Variants in CCKBR observed in about 807,000 individuals in gnomAD.
The protein encoded by CCKBR is cholecystokinin B receptor.
CCKBR carries 33 observed loss-of-function variants against 34.6 expected under a neutral mutation model. The observed-to-expected ratio is 0.95, with a 90% CI of 0.72 to 1.27. The LOEUF (loss-of-function observed/expected upper bound fraction) is 1.27. CCKBR is among the 50% of genes most tolerant of loss of function. CCKBR has a pLI of 0.00. For synonymous variants in CCKBR, 269 were observed against 267.5 expected (o/e 1.01, Z -0.06); for missense variants, 652 against 617.4 (o/e 1.06, Z -0.59).
rs200790296 is a variant in CCKBR at position 6,271,889 on chromosome 11, T to C, written c.*346T>C. The stretch of plus-strand genomic sequence containing the variant: ...ACATAGATTAATGGCACTGATTGTT[T>C]TAGAGACTATGGAGCCTGGCACAGG... On this transcript the variant is annotated 3_prime_UTR_variant, in exon 5 of 5. Transcript: ENST00000334619. 3.9e-6 allele frequency: 1 copy of C among 259,190 alleles called. No homozygotes were observed. The allele number at this position is 259,190 out of a possible 1,614,324, so 16.1% of individuals were successfully genotyped here.
rs756223887 is a variant in CCKBR at position 6,260,006 on chromosome 11, G to C, written c.78G>C (p.Ala26=). 1 of 1,588,518 alleles carries C rather than the reference G, an allele frequency of 6.3e-7. No homozygotes were observed. The highest frequency in any genetic ancestry group is 1.1e-5 in the South Asian group (1 of 88,480). Reference sequence around the variant, plus strand: ...GGGCTTCCCTGTGCCGCCCGGGGGCGCCTCTCCTCAACAGCAGCAGTGTGG... The same window carrying C: ...GGGCTTCCCTGTGCCGCCCGGGGGCCCCTCTCCTCAACAGCAGCAGTGTGG... The part of the protein sequence containing the change: ...GPGASLCRPG[A]PLLNSSSVGN... Residue 26 remains alanine, a synonymous_variant, in exon 1 of 5, where the codon GCG becomes GCC. Coordinates refer to ENST00000334619, the MANE Select transcript of CCKBR (RefSeq NM_176875.4).
rs751311120 is a variant in CCKBR, at chr11:6,259,979, G to A, written c.51G>A (p.Pro17=). 2.6e-6 allele frequency: 4 copies of A among 1,561,608 alleles called. No individual in the cohort carries two copies. The highest frequency in any genetic ancestry group is 2.5e-5 in the East Asian group (1 of 39,424). ...GCGTGCAGGGAACCGGACCCGGGCC[G>A]GGGGCTTCCCTGTGCCGCCCGGGGG... ...NRSVQGTGPG[P]GASLCRPGAP... Residue 17 remains proline, a synonymous_variant, in exon 1 of 5, where the codon CCG becomes CCA. Coordinates refer to ENST00000334619, the MANE Select transcript of CCKBR (RefSeq NM_176875.4).
At position 6,270,262 on chromosome 11, in the gene CCKBR, C is replaced by T; in HGVS notation, c.578C>T (p.Thr193Ile). The T allele has an allele frequency of 6.2e-7, 1 of 1,613,346 alleles. No homozygotes were observed. The highest frequency in any genetic ancestry group is 8.5e-7 in the Non-Finnish European group (1 of 1,180,038). The stretch of plus-strand genomic sequence containing the variant: ...CTCATGGTGCCCTACCCCGTGTACA[C>T]TGTCGTGCAACCAGTGGGGCCTCGT... ...GLLMVPYPVY[T>I]VVQPVGPRVL... Residue 193 changes from threonine (T) to isoleucine (I), a missense_variant, in exon 3 of 5, where the codon ACT (threonine) becomes ATT (isoleucine). Coordinates refer to ENST00000334619, the MANE Select transcript of CCKBR (RefSeq NM_176875.4).
Position 6,271,618 on chromosome 11 carries a change from C to A in CCKBR, c.*75C>A. ...CCCTTCCAGACATACGAAACACAAA[C>A]CACAACTGACACAGGAAACCAACAC... is the stretch of plus-strand genomic sequence containing the variant. On this transcript the variant is annotated 3_prime_UTR_variant, in exon 5 of 5. Coordinates refer to ENST00000334619, the MANE Select transcript of CCKBR (RefSeq NM_176875.4). 7.2e-7 allele frequency: 1 copy of A among 1,390,398 alleles called. No homozygotes were observed. Among genetic ancestry groups the A allele is most frequent in the Non-Finnish European group, 9.6e-7 (1 of 1,039,402 alleles). The allele number at this position is 1,390,398 out of a possible 1,614,324, so 86.1% of individuals were successfully genotyped here. A position where few individuals can be genotyped will look rare whatever the true frequency, so the allele number is the denominator to read the frequency against.
Position 6,271,186 on chromosome 11 carries a change from G to A in CCKBR, c.987G>A (p.Lys329=), listed in dbSNP as rs200700735. 6.2e-7 allele frequency: 1 copy of A among 1,614,072 alleles called. No individual in the cohort carries two copies. The highest frequency in any genetic ancestry group is 8.5e-7 in the Non-Finnish European group (1 of 1,180,028). ...CCCAGGCCAAGCTGCTGGCTAAGAA[G>A]CGCGTGGTGCGAATGTTGCTGGTGA... ...RPTQAKLLAK[K]RVVRMLLVIV... Residue 329 remains lysine, a synonymous_variant, in exon 5 of 5, where the codon AAG becomes AAA. Coordinates refer to ENST00000334619, the MANE Select transcript of CCKBR (RefSeq NM_176875.4).
intron 1 of CCKBR, chr11:6,264,737 A>ACACACACACACACACACACG: frequency 2.0e-6 from 1 of 508,806 alleles, no homozygotes. Flanking sequence ...ACACACACAC[A>ACACACACACACACACACACG]CACACACGCA....
chr11:6,259,855 C>T lies in CCKBR; in HGVS notation c.-74C>T, dbSNP rs1848099111. 5 of 1,251,070 alleles carry T rather than the reference C, an allele frequency of 4.0e-6. No homozygotes were observed. The highest frequency in any genetic ancestry group is 5.2e-6 in the Non-Finnish European group (5 of 955,616). 77.5% of individuals were successfully genotyped at this position (1,251,070 alleles called of 1,614,324 possible). A position where few individuals can be genotyped will look rare whatever the true frequency, so the allele number is the denominator to read the frequency against. ...GCGGCGGGAGCCTGAGCCGGAATCG[C>T]AGCGTGAGCAGGTGGAGCCGCGTTG... On this transcript the variant is annotated 5_prime_UTR_variant, in exon 1 of 5. Coordinates refer to ENST00000334619, the MANE Select transcript of CCKBR (RefSeq NM_176875.4).
intron 4 of CCKBR, 81 bp from the exon 5 acceptor site, chr11:6,270,930 G>A: frequency 6.2e-7 from 1 of 1,612,274 alleles, no homozygotes; most frequent in Non-Finnish European, 8.5e-7. Flanking sequence ...GAGTTGAGCT[G>A]GGAGCGGAGG....
intron 1 of CCKBR, among the ~76,000 whole-genome samples, chr11:6,260,377 A>C (rs1239653238): frequency 6.6e-6 from 1 of 151,698 alleles, no homozygotes; most frequent in African/African-American, 2.4e-5. Flanking sequence ...CCTCCTAGAC[A>C]CCAGTCAGAA....
chr11:6,266,121 C>T (rs1438225889), intron 1 of CCKBR, among the ~76,000 whole-genome samples: 1 of 152,034 alleles, frequency 6.6e-6, no homozygotes, highest in Non-Finnish European at 1.5e-5. Context: ...TACATACATA[C>T]TAATACAGTG....
In CCKBR at chr11:6,260,349, C is replaced by G. The variant is rs545187876; in HGVS notation, c.151+270C>G. On this transcript the variant is annotated intron_variant, in intron 1 of 4. Coordinates refer to ENST00000334619, the MANE Select transcript of CCKBR (RefSeq NM_176875.4). ...CCCTGCTCACCCCAAAGCACAGCCC[C>G]TTCCCCAACACGCAGCCCCTCCTAG... is the stretch of plus-strand genomic sequence containing the variant. 1.1e-4 allele frequency among the ~76,000 whole-genome samples: 17 copies of G among 152,272 alleles called. No individual in the cohort carries two copies. In the South Asian group the frequency reaches 3.1e-3, roughly 28 times the overall value.
chr11:6,268,574 C>G (rs1357537084), intron 1 of CCKBR, among the ~76,000 whole-genome samples: 1 of 152,212 alleles, frequency 6.6e-6, no homozygotes, highest in East Asian at 1.9e-4. Flanking sequence ...CATCCTTCAG[C>G]CTCACTCCTT....
In CCKBR at chr11:6,269,878, A is replaced by G; in HGVS notation, c.361A>G (p.Ile121Val). Residue 121 changes from isoleucine (I) to valine (V), a missense_variant, in exon 2 of 5, where the codon ATC becomes GTC. By Grantham distance (29) the Ile-to-Val change is conservative. Transcript: ENST00000334619. ...TLLPNLMGTFIFGTVICKAVS... is the reference protein window; with the variant it reads ...TLLPNLMGTFVFGTVICKAVS... Reference sequence around the variant, plus strand: ...CCTGCCCAATCTCATGGGCACATTCATCTTTGGCACCGTCATCTGCAAGGC... The same window carrying G: ...CCTGCCCAATCTCATGGGCACATTCGTCTTTGGCACCGTCATCTGCAAGGC... The G allele has an allele frequency of 1.2e-6, 2 of 1,613,742 alleles. No individual in the cohort carries two copies. The highest frequency in any genetic ancestry group is 1.7e-6 in the Non-Finnish European group (2 of 1,179,934).
chr11:6,270,612 A>G, intron 3 of CCKBR, 34 bp from the exon 4 acceptor site: 1 of 1,563,264 alleles, frequency 6.4e-7, no homozygotes, highest in African/African-American at 1.4e-5. Context: ...ACAGCTGGAC[A>G]GAAACCCGAG....
In CCKBR at chr11:6,269,765, G is replaced by A. The variant is rs1404061098; in HGVS notation, c.248G>A (p.Arg83His). 6.2e-6 allele frequency: 10 copies of A among 1,613,990 alleles called. No homozygotes were observed. Among genetic ancestry groups the A allele is most frequent in the Admixed American group, 5.0e-5 (3 of 59,996 alleles). The change falls in exon 2 of 5, where the codon CGC becomes CAC. Residue 83 changes from arginine to histidine, a missense_variant. Physicochemically the swap from Arg to His is conservative, Grantham distance 29 (BLOSUM62 0). Coordinates refer to ENST00000334619, the MANE Select transcript of CCKBR (RefSeq NM_176875.4). ...MLIIVVLGLS[R>H]RLRTVTNAFL... ...ATCATCGTGGTCCTGGGACTGAGCC[G>A]CCGCCTGAGGACTGTCACCAATGCC... is the stretch of plus-strand genomic sequence containing the variant.
chr11:6,270,562 C>G (rs985087334), intron 3 of CCKBR, 84 bp from the exon 4 acceptor site: 3 of 1,481,866 alleles, frequency 2.0e-6, no homozygotes, highest in South Asian at 2.6e-5. Flanking sequence ...GGCCACAGCC[C>G]TAGAAACACT....
rs200320502 is a variant in CCKBR, at chr11:6,270,174, G to C, written c.490G>C (p.Val164Leu). The C allele has an allele frequency of 6.2e-6, 10 of 1,613,814 alleles. No individual in the cohort carries two copies. The highest frequency in any genetic ancestry group is 2.7e-5 in the African/African-American group (2 of 74,956). The stretch of plus-strand genomic sequence containing the variant: ...CATCTGCCGACCACTGCAGGCACGA[G>C]TGTGGCAGACGCGCTCCCACGCGGC... ...SAICRPLQAR[V>L]WQTRSHAARV... is the part of the protein sequence containing the mutation. Residue 164 changes from valine (V) to leucine (L), a missense_variant, in exon 3 of 5, where the codon GTG becomes CTG. Val to Leu is a conservative substitution (Grantham distance 32, BLOSUM62 1). Transcript: ENST00000334619.
chr11:6,260,118 C>T (rs1848107471), intron 1 of CCKBR, 39 bp downstream of exon 1: 5 of 1,521,284 alleles, frequency 3.3e-6, no homozygotes, highest in Non-Finnish European at 4.4e-6. Flanking sequence ...AGCTATTTCT[C>T]ACTGTACCCC....
intron 1 of CCKBR, among the ~76,000 whole-genome samples, chr11:6,265,067 C>G (rs552206671): frequency 5.9e-5 from 9 of 152,304 alleles, no homozygotes; most frequent in Non-Finnish European, 1.2e-4. Context: ...AGTTTCACTG[C>G]CCTAAAAATC....
Sources: allele counts gnomAD v4.1 joint callset (sites outside exome capture counted in the v4.1 genomes callset), GRCh38; gene constraint gnomAD v4.1.1; transcripts MANE v1.5; gene names NCBI Gene and HGNC (gene_info 2026-07-23, HGNC 2026-07-21).